APBB3: variants seen among roughly 807,000 people sequenced by gnomAD.
APBB3 encodes the protein amyloid-beta A4 precursor protein-binding family B member 3.
A neutral mutation model predicts 61.5 loss-of-function variants in APBB3; 50 were observed. The ratio of observed to expected loss-of-function variants is 0.81; its 90% confidence interval spans 0.65 to 1.03. The LOEUF is 1.03. Among genes scored for constraint, APBB3 ranks in the 50% least tolerant of loss-of-function variants. APBB3 has a pLI of 0.00. For missense variants in APBB3, 550 were observed against 637.4 expected (o/e 0.86, Z 1.48); for synonymous variants, 235 against 233.0 (o/e 1.01, Z -0.08).
rs755857654 is a variant in APBB3 at position 140,563,927 on chromosome 5, C to G, written c.50-12G>C. ...CCCCCACAAGTCATCTACAGGAACA[C>G]CGGATTAGAGAGGAGGGAGCATATG... On this transcript the variant is annotated splice_polypyrimidine_tract_variant and intron_variant, in intron 1 of 12. Coordinates refer to ENST00000357560, the MANE Select transcript of APBB3 (RefSeq NM_133173.3). 6.2e-6 allele frequency: 10 copies of G among 1,612,284 alleles called. No homozygotes were observed. The highest frequency in any genetic ancestry group is 8.5e-6 in the Non-Finnish European group (10 of 1,179,572).
intron 9 of APBB3, 62 bp downstream of exon 9, chr5:140,561,302 GC>G: frequency 1.9e-6 from 3 of 1,569,050 alleles, no homozygotes; most frequent in Non-Finnish European, 2.6e-6. Flanking sequence ...ACCAGAAATC[GC>G]CCCCCCACAA....
intron 3 of APBB3, chr5:140,563,035 A>C (rs1229737830): frequency 1.1e-5 from 4 of 367,610 alleles, no homozygotes; most frequent in Non-Finnish European, 2.0e-5. Flanking sequence ...TCATGAGGTC[A>C]GGATATCGAG....
chr5:140,560,374 G>A lies in APBB3; in HGVS notation c.1163C>T (p.Ala388Val). 6.2e-7 allele frequency: 1 copy of A among 1,614,232 alleles called. No homozygotes were observed. Among genetic ancestry groups the A allele is most frequent in the Non-Finnish European group, 8.5e-7 (1 of 1,180,052 alleles). Residue 388 changes from alanine to valine, a missense_variant, in exon 12 of 13, where the codon GCA (alanine) becomes GTA (valine). By Grantham distance (64) the Ala-to-Val change is moderately conservative. Around this residue, in one of 3 missense-constraint regions of APBB3, gnomAD observed 138 missense variants for 132.6 expected, o/e 1.04. Coordinates refer to ENST00000357560, the MANE Select transcript of APBB3 (RefSeq NM_133173.3). The surrounding 1 kb of genome is among the most constrained non-coding windows in gnomAD (Gnocchi z 5.1). The stretch of plus-strand genomic sequence containing the variant: ...TGCATGGGGCTGGCACCAGAAGGCT[G>A]CGCACTGGAAGCTCTGACGGCCCAG... Reference protein sequence around the residue: ...ADLGRQSFQCAAFWCQPHAGG... With the variant: ...ADLGRQSFQCVAFWCQPHAGG...
At chr5:140,563,074 A>G (rs544681403) in intron 3 of APBB3, among the ~76,000 whole-genome samples, 4 of 152,252 alleles carry the variant, frequency 2.6e-5, no homozygotes, top group African/African-American at 7.2e-5. Flanking sequence ...GTGAAACCCC[A>G]TATCTACTAA....
chr5:140,564,335 T>C lies in APBB3; in HGVS notation c.-90A>G. ...CTACTGCGCCTGCAAGCCCAGCCTC[T>C]CTGCGCCGCAGGCTGCGGGGCCAGC... is the stretch of plus-strand genomic sequence containing the variant. On this transcript the variant is annotated 5_prime_UTR_variant, in exon 1 of 13. Transcript: ENST00000357560. This position sits in a 1 kb window ranked among gnomAD's most constrained non-coding sequence, Gnocchi z 5.0. The C allele has an allele frequency of 6.6e-7, 1 of 1,513,138 alleles. No homozygotes were observed. Among genetic ancestry groups the C allele is most frequent in the Non-Finnish European group, 9.0e-7 (1 of 1,109,076 alleles). 93.7% of individuals were successfully genotyped at this position (1,513,138 alleles called of 1,614,324 possible).
chr5:140,564,096 A>T lies in APBB3; in HGVS notation c.49+101T>A. The T allele has an allele frequency of 1.3e-6, 2 of 1,548,362 alleles. No individual in the cohort carries two copies. Among genetic ancestry groups the T allele is most frequent in the Non-Finnish European group, 1.8e-6 (2 of 1,130,780 alleles). ...TTCATTCGCCCCCTGGTCCCTACAC[A>T]GAGAGGTATCCCCCACCGTCTTTGA... On this transcript the variant is annotated intron_variant, in intron 1 of 12. Transcript: ENST00000357560. The surrounding 1 kb of genome is among the most constrained non-coding windows in gnomAD (Gnocchi z 5.0).
rs1754879790 is a variant in APBB3 at position 140,560,142 on chromosome 5, T to C, written c.1224+171A>G. On this transcript the variant is annotated intron_variant, in intron 12 of 12. Coordinates refer to ENST00000357560, the MANE Select transcript of APBB3 (RefSeq NM_133173.3). This position sits in a 1 kb window ranked among gnomAD's most constrained non-coding sequence, Gnocchi z 5.1. ...TATGTGAAATGTCCTGGCCTTTAAA[T>C]ATTGGCAACTAATTAAAACTTACTA... Among the ~76,000 whole-genome samples the C allele has an allele frequency of 6.6e-6, 1 of 152,230 alleles. No individual in the cohort carries two copies. Among genetic ancestry groups the C allele is most frequent in the African/African-American group, 2.4e-5 (1 of 41,462 alleles).
Position 140,564,409 on chromosome 5 carries a change from T to A in APBB3, c.-164A>T. ...GGACACGGGGCGGGACACGGGCCGGTCCCGGGGGAGGGCCTGAGCCGCACA... is the reference window on the plus strand; with the variant it reads ...GGACACGGGGCGGGACACGGGCCGGACCCGGGGGAGGGCCTGAGCCGCACA... On this transcript the variant is annotated 5_prime_UTR_variant, in exon 1 of 13. Coordinates refer to ENST00000357560, the MANE Select transcript of APBB3 (RefSeq NM_133173.3). The surrounding 1 kb of genome is among the most constrained non-coding windows in gnomAD (Gnocchi z 5.0). 4 of 808,688 alleles carry A rather than the reference T, an allele frequency of 4.9e-6. No homozygotes were observed. The highest frequency in any genetic ancestry group is 3.8e-5 in the African/African-American group (2 of 52,758). 50.1% of individuals were successfully genotyped at this position (808,688 alleles called of 1,614,324 possible).
Position 140,560,793 on chromosome 5 carries a change from A to G in APBB3, c.917-39T>C, listed in dbSNP as rs762685640. ...CCCAGCGTGTCTCCCAGTGTAAAAG[A>G]AAGAGTCTGCAGGGAGTGTCTAGCC... On this transcript the variant is annotated intron_variant, in intron 10 of 12. Coordinates refer to ENST00000357560, the MANE Select transcript of APBB3 (RefSeq NM_133173.3). The surrounding 1 kb of genome is among the most constrained non-coding windows in gnomAD (Gnocchi z 5.1). 3.2e-6 allele frequency: 5 copies of G among 1,586,044 alleles called. No individual in the cohort carries two copies. Among genetic ancestry groups the G allele is most frequent in the Non-Finnish European group, 3.5e-6 (4 of 1,155,194 alleles).
rs186001560 is a variant in APBB3 at position 140,562,364 on chromosome 5, C to A, written c.487G>T (p.Ala163Ser). The change falls in exon 5 of 13, where the codon GCC becomes TCC. Residue 163 changes from alanine to serine, a missense_variant. Physicochemically the swap from Ala to Ser is moderately conservative, Grantham distance 99. Around this residue, in one of 3 missense-constraint regions of APBB3, gnomAD observed 405 missense variants for 483.4 expected, o/e 0.84. Coordinates refer to ENST00000357560, the MANE Select transcript of APBB3 (RefSeq NM_133173.3). ...CCCAGCCAACTCACCTCACCCCAGG[C>A]ACCATCTGGAGGCTGGCTCCGGCTG... Reference protein sequence around the residue: ...TRSRSQPPDGAWGEGQNMLMI... With the variant: ...TRSRSQPPDGSWGEGQNMLMI... 203 of 1,613,934 alleles carry A rather than the reference C, an allele frequency of 1.3e-4. No homozygotes were observed. Among genetic ancestry groups the A allele is most frequent in the Non-Finnish European group, 1.5e-4 (178 of 1,179,968 alleles).
At chr5:140,562,572 C>T (rs904968442) in intron 4 of APBB3, 73 bp from the exon 5 acceptor site, 2 of 1,607,472 alleles carry the variant, frequency 1.2e-6, no homozygotes, top group Non-Finnish European at 1.7e-6. Flanking sequence ...TACATACTCC[C>T]TGTCTTCACC....
At chr5:140,561,775 G>A in intron 7 of APBB3, 69 bp downstream of exon 7, 1 of 1,614,052 alleles carries the variant, frequency 6.2e-7, no homozygotes, top group East Asian at 2.2e-5. Flanking sequence ...GGAAAGTCAG[G>A]CTAGGGATAT....
Position 140,562,724 on chromosome 5 carries a change from C to T in APBB3, c.291-1G>A. 1 of 1,614,214 alleles carries T rather than the reference C, an allele frequency of 6.2e-7. No individual in the cohort carries two copies. Among genetic ancestry groups the T allele is most frequent in the Non-Finnish European group, 8.5e-7 (1 of 1,180,030 alleles). ...CCCACCATACCAGGACAGAGAGTTA[C>T]TGAAACAGAGCAGAGCTGTTAAGAG... On this transcript the variant is annotated splice_acceptor_variant, in intron 3 of 12. Transcript: ENST00000357560. LOFTEE classifies it high-confidence loss of function.
chr5:140,562,073 T>C, intron 6 of APBB3, 27 bp downstream of exon 6: 1 of 1,612,820 alleles, frequency 6.2e-7, no homozygotes, highest in Non-Finnish European at 8.5e-7. Flanking sequence ...GAAGTAGCTC[T>C]TGCTTGGGGG....
chr5:140,563,013 G>C, intron 3 of APBB3: 1 of 407,988 alleles, frequency 2.5e-6, no homozygotes, highest in Non-Finnish European at 4.5e-6. Flanking sequence ...TTGGGAGGCT[G>C]AGACGGGTGG....
chr5:140,564,435 GC>G lies in APBB3; in HGVS notation c.-191del. The G allele has an allele frequency of 1.6e-6, 1 of 642,826 alleles. No individual in the cohort carries two copies. Among genetic ancestry groups the G allele is most frequent in the Admixed American group, 2.9e-5 (1 of 34,224 alleles). 39.8% of individuals were successfully genotyped at this position (642,826 alleles called of 1,614,324 possible). A position where few individuals can be genotyped will look rare whatever the true frequency, so the allele number is the denominator to read the frequency against. The stretch of plus-strand genomic sequence containing the variant: ...CCCGGGGGAGGGCCTGAGCCGCACA[GC>G]CCGCCCAGGGGTGGTGCGTGTAAAC... On this transcript the variant is annotated 5_prime_UTR_variant, in exon 1 of 13. Transcript: ENST00000357560. This position sits in a 1 kb window ranked among gnomAD's most constrained non-coding sequence, Gnocchi z 5.0.
chr5:140,560,704 G>C lies in APBB3; in HGVS notation c.967C>G (p.Arg323Gly), dbSNP rs570586896. ...AGCATGGTGGGGACCCAGGCATTCC[G>C]GTCCCCCCTGGCGGTGAGGGTACCA... ...AIGTLTARGDRNAWVPTMLSV... is the reference protein window; with the variant it reads ...AIGTLTARGDGNAWVPTMLSV... Residue 323 changes from arginine to glycine, a missense_variant, in exon 11 of 13, where the codon CGG becomes GGG. By Grantham distance (125) the Arg-to-Gly change is moderately radical. Transcript: ENST00000357560. The surrounding 1 kb of genome is among the most constrained non-coding windows in gnomAD (Gnocchi z 5.1). 1 of 1,614,172 alleles carries C rather than the reference G, an allele frequency of 6.2e-7. No individual in the cohort carries two copies. Among genetic ancestry groups the C allele is most frequent in the Admixed American group, 1.7e-5 (1 of 60,024 alleles).
Position 140,560,757 on chromosome 5 carries a change from G to C in APBB3, c.917-3C>G. 6.2e-7 allele frequency: 1 copy of C among 1,613,084 alleles called. No individual in the cohort carries two copies. Among genetic ancestry groups the C allele is most frequent in the South Asian group, 1.1e-5 (1 of 91,054 alleles). ...GGCCTCGTTCAGCACATCCATGCCT[G>C]GGGGAACATACCCAGCGTGTCTCCC... On this transcript the variant is annotated splice_region_variant and splice_polypyrimidine_tract_variant and intron_variant, in intron 10 of 12. Transcript: ENST00000357560. This position sits in a 1 kb window ranked among gnomAD's most constrained non-coding sequence, Gnocchi z 5.1.
intron 5 of APBB3, 43 bp from the exon 6 acceptor site, chr5:140,562,270 T>C (rs182314255): frequency 2.3e-4 from 363 of 1,612,348 alleles, no homozygotes; most frequent in South Asian, 1.6e-3. Context: ...ATAAAGGTCA[T>C]TGCCATGAGA....
Sources: gnomAD v4.1 joint callset for allele counts (sites outside exome capture counted in the v4.1 genomes callset) on GRCh38, gnomAD v4.1.1 for gene constraint, gnomAD v4.1.1 regional missense constraint, Gnocchi (gnomAD v3.1) non-coding constraint, MANE v1.5 for transcripts, NCBI Gene and HGNC (gene_info 2026-07-23, HGNC 2026-07-21) for gene names.